The following P2RX2 variants were observed in gnomAD, a reference collection of about 807,000 sequenced individuals.
P2RX2 encodes the protein purinergic receptor P2X 2, also known as P2X purinoceptor 2.
A neutral mutation model predicts 54.8 loss-of-function variants in P2RX2; 50 were observed. The ratio of observed to expected loss-of-function variants is 0.91; its 90% CI spans 0.73 to 1.15. The LOEUF is 1.15. P2RX2 is among the 50% of genes most tolerant of loss of function. P2RX2 has a pLI of 0.00. For missense variants in P2RX2, 658 were observed against 633.2 expected, an observed-to-expected ratio of 1.04 and a Z score of -0.42; for synonymous variants, 289 against 259.4, an observed-to-expected ratio of 1.11 and a Z score of -1.09.
rs2041704578 is a variant in P2RX2 at position 132,621,825 on chromosome 12, C to T, written c.1269C>T (p.Gly423=). Reference sequence around the variant, plus strand: ...CCAGCCCTCCATCAGGCCAGGAGGGCCAACAAGGGGCAGAGTGTGGCCCAG... The same window carrying T: ...CCAGCCCTCCATCAGGCCAGGAGGGTCAACAAGGGGCAGAGTGTGGCCCAG... ...QHPSPPSGQE[G]QQGAECGPAF... Residue 423 remains glycine, a synonymous_variant, in exon 11 of 11, where the codon GGC becomes GGT. Coordinates refer to ENST00000643471, the MANE Select transcript of P2RX2 (RefSeq NM_170682.4). The T allele has an allele frequency of 6.2e-7, 1 of 1,610,448 alleles. No individual in the cohort carries two copies. Among genetic ancestry groups the T allele is most frequent in the Non-Finnish European group, 8.5e-7 (1 of 1,178,172 alleles).
rs2041489460 is a variant in P2RX2 at position 132,618,888 on chromosome 12, C to T, written c.72C>T (p.Ala24=). 1.5e-6 allele frequency: 2 copies of T among 1,374,134 alleles called. No individual in the cohort carries two copies. The highest frequency in any genetic ancestry group is 1.5e-5 in the African/African-American group (1 of 66,248). 85.1% of individuals were successfully genotyped at this position (1,374,134 alleles called of 1,614,324 possible). ...GCCTGGCCCGGGGCTGCTGGTCCGC[C>T]CTCTGGGACTACGAGACGCCCAAGG... ...ARRLARGCWS[A]LWDYETPKVI... The change falls in exon 1 of 11, where the codon GCC becomes GCT. Residue 24 remains alanine, a synonymous_variant. Coordinates refer to ENST00000643471, the MANE Select transcript of P2RX2 (RefSeq NM_170682.4).
rs2041704962 is a variant in P2RX2, at chr12:132,621,825, CCAA to C, written c.1273_1275del (p.Gln425del). 1.9e-6 allele frequency: 3 copies of C among 1,610,448 alleles called. No individual in the cohort carries two copies. The highest frequency in any genetic ancestry group is 2.5e-6 in the Non-Finnish European group (3 of 1,178,172). Reference sequence around the variant, plus strand: ...CCAGCCCTCCATCAGGCCAGGAGGGCCAACAAGGGGCAGAGTGTGGCCCAGCCT... The same window carrying C: ...CCAGCCCTCCATCAGGCCAGGAGGGCCAAGGGGCAGAGTGTGGCCCAGCCT... On this transcript the variant is annotated inframe_deletion, in exon 11 of 11. Transcript: ENST00000643471.
chr12:132,621,228 GA>G, intron 8 of P2RX2, 26 bp from the exon 9 acceptor site: 1 of 1,613,942 alleles, frequency 6.2e-7, no homozygotes, highest in Non-Finnish European at 8.5e-7. Context: ...TGCAGAGGAC[GA>G]GTGGGCACTG....
rs1261399828 is a variant in P2RX2, at chr12:132,620,233, G to C, written c.555-34G>C. 3.1e-6 allele frequency: 5 copies of C among 1,589,028 alleles called. 1 individual carries two copies. The highest frequency in any genetic ancestry group is 2.6e-6 in the Non-Finnish European group (3 of 1,157,310). ...ATGCCAGGCGGGGGCTTTGCGGGAA[G>C]AGGGGACTAAACAACCCTTCTGTGC... On this transcript the variant is annotated intron_variant, in intron 5 of 10. Transcript: ENST00000643471.
rs564207157 is a variant in P2RX2, at chr12:132,621,588, G to A, written c.1063-31G>A. On this transcript the variant is annotated intron_variant, in intron 10 of 10. Transcript: ENST00000643471. ...CCAGCGGGTGCGGGGGGTCCACCAG[G>A]CCCTTACACACCGGTCTCTGCTGGC... 193 of 1,610,510 alleles carry A rather than the reference G, an allele frequency of 1.2e-4. 2 individuals carry two copies. The South Asian group carries it at 1.7e-3, about 14-fold the overall frequency.
At chr12:132,620,724 A>G (rs1020190554) in intron 7 of P2RX2, 141 bp downstream of exon 7, 12 of 1,092,026 alleles carry the variant, frequency 1.1e-5, no homozygotes, top group African/African-American at 1.6e-5. Context: ...GATCAGCGCA[A>G]CCCATCCGGT....
In P2RX2 at chr12:132,618,808, G is replaced by T. The variant is rs2041482966; in HGVS notation, c.-9G>T. 2 of 1,237,266 alleles carry T rather than the reference G, an allele frequency of 1.6e-6. No individual in the cohort carries two copies. The highest frequency in any genetic ancestry group is 4.4e-5 in the Admixed American group (1 of 22,814). The allele number at this position is 1,237,266 out of a possible 1,614,324, so 76.6% of individuals were successfully genotyped here. On this transcript the variant is annotated 5_prime_UTR_variant, in exon 1 of 11. Transcript: ENST00000643471. ...CAGCGCCTTCCTGGAGGTGGGGGCC[G>T]CCCGCGCCATGGCCGCCGCCCAGCC... is the stretch of plus-strand genomic sequence containing the variant.
chr12:132,619,021 TG>T, intron 1 of P2RX2, 32 bp downstream of exon 1: 2 of 954,012 alleles, frequency 2.1e-6, no homozygotes, highest in Non-Finnish European at 1.3e-6. Context: ...GGGCGCGGGG[TG>T]CGGGGCGCAG....
chr12:132,619,591 GC>G lies in P2RX2; in HGVS notation c.309+23del, dbSNP rs761209231. ...CCCCCCGAGGTGCGGGCCGCCCCCT[GC>G]CCCCCGCCCCGCCGTGCACCCTACC... On this transcript the variant is annotated intron_variant, in intron 2 of 10. Transcript: ENST00000643471. 11 of 1,600,382 alleles carry G rather than the reference GC, an allele frequency of 6.9e-6. No homozygotes were observed. The highest frequency in any genetic ancestry group is 2.2e-5 in the South Asian group (2 of 90,652).
rs779626821 is a variant in P2RX2 at position 132,619,683 on chromosome 12, G to T, written c.314G>T (p.Gly105Val). The part of the protein sequence containing the change: ...VEEYVKPPEG[G>V]SVFSIITRVE... ...GCCCCCTCTTTCTGAGCCCAGGGGG[G>T]CAGCGTGTTCAGCATCATCACCAGG... Residue 105 changes from glycine (G) to valine (V), a missense_variant, in exon 3 of 11, where the codon GGC (glycine) becomes GTC (valine). Gly to Val is a moderately radical substitution (Grantham distance 109). Transcript: ENST00000643471. The T allele has an allele frequency of 6.3e-7, 1 of 1,596,204 alleles. No individual in the cohort carries two copies. The highest frequency in any genetic ancestry group is 8.5e-7 in the Non-Finnish European group (1 of 1,171,236).
Position 132,622,219 on chromosome 12 carries a change from TCA to T in P2RX2, c.*250_*251del, listed in dbSNP as rs1198241799. On this transcript the variant is annotated 3_prime_UTR_variant, in exon 11 of 11. Transcript: ENST00000643471. Reference sequence around the variant, plus strand: ...AGGGCTGCTCACTTCCCATCACCTCTCACAGCCACCTGGAACCCAAGCCAGCT... The same window carrying T: ...AGGGCTGCTCACTTCCCATCACCTCTCAGCCACCTGGAACCCAAGCCAGCT... 12 of 1,384,264 alleles carry T rather than the reference TCA, an allele frequency of 8.7e-6. No homozygotes were observed. In the African/African-American group the frequency reaches 1.8e-4, roughly 20 times the overall value. The allele number at this position is 1,384,264 out of a possible 1,614,324, so 85.7% of individuals were successfully genotyped here. A position where few individuals can be genotyped will look rare whatever the true frequency, so the allele number is the denominator to read the frequency against.
intron 5 of P2RX2, 29 bp from the exon 6 acceptor site, chr12:132,620,238 G>C (rs557003713): frequency 3.8e-6 from 6 of 1,595,114 alleles, no homozygotes; most frequent in East Asian, 2.2e-5. Flanking sequence ...GGGAAGAGGG[G>C]ACTAAACAAC....
intron 2 of P2RX2, 25 bp downstream of exon 2, chr12:132,619,599 C>A: frequency 6.2e-7 from 1 of 1,600,244 alleles, no homozygotes; most frequent in Non-Finnish European, 8.5e-7. Context: ...CTGCCCCCCG[C>A]CCCGCCGTGC....
chr12:132,622,189 C>G lies in P2RX2; in HGVS notation c.*217C>G. 7.0e-7 allele frequency: 1 copy of G among 1,422,706 alleles called. No homozygotes were observed. The highest frequency in any genetic ancestry group is 2.6e-4 in the Middle Eastern group (1 of 3,846). The allele number at this position is 1,422,706 out of a possible 1,614,324, so 88.1% of individuals were successfully genotyped here. ...CCTGACACCTCCTCCCCAGCTGGTC[C>G]CTACAGGGCTGCTCACTTCCCATCA... On this transcript the variant is annotated 3_prime_UTR_variant, in exon 11 of 11. Transcript: ENST00000643471.
In P2RX2 at chr12:132,619,007, TGCGGGGC is replaced by T. The variant is rs754704099; in HGVS notation, c.173+25_173+31del. The stretch of plus-strand genomic sequence containing the variant: ...TTCGTGTGGTGCGCGGGGCGCGGGG[TGCGGGGC>T]GCGGGGTGCGGGGCGCAGGGGAGGG... On this transcript the variant is annotated intron_variant, in intron 1 of 10. Transcript: ENST00000643471. 80 of 138,468 alleles carry T rather than the reference TGCGGGGC, an allele frequency of 5.8e-4. No individual in the cohort carries two copies. Among genetic ancestry groups the T allele is most frequent in the Middle Eastern group, 7.4e-3 (2 of 272 alleles). 8.6% of individuals were successfully genotyped at this position (138,468 alleles called of 1,614,324 possible).
Position 132,620,345 on chromosome 12 carries a change from CAAGT to C in P2RX2, c.635+2_635+5del, listed in dbSNP as rs747413177. The C allele has an allele frequency of 2.5e-6, 4 of 1,613,984 alleles. No individual in the cohort carries two copies. Among genetic ancestry groups the C allele is most frequent in the South Asian group, 1.1e-5 (1 of 91,084 alleles). On this transcript the variant is annotated splice_donor_variant and coding_sequence_variant, in exon 6 of 11. Coordinates refer to ENST00000643471, the MANE Select transcript of P2RX2 (RefSeq NM_170682.4). LOFTEE classifies it high-confidence loss of function. ...TCCACTACCCCAAATTCCACTTCTC[CAAGT>C]AAGAGCCGCGGGGTGTGGTGACGGC...
Position 132,622,039 on chromosome 12 carries a change from C to G in P2RX2, c.*67C>G. 1 of 1,602,994 alleles carries G rather than the reference C, an allele frequency of 6.2e-7. No homozygotes were observed. The highest frequency in any genetic ancestry group is 1.1e-5 in the South Asian group (1 of 89,676). On this transcript the variant is annotated 3_prime_UTR_variant, in exon 11 of 11. Coordinates refer to ENST00000643471, the MANE Select transcript of P2RX2 (RefSeq NM_170682.4). ...GGCCAGAGAGTCCCCAGCTAGGGAC[C>G]TGCACGTGGACGTGGGCACCTCAGT... is the stretch of plus-strand genomic sequence containing the variant.
chr12:132,620,650 C>T (rs2041624358), intron 7 of P2RX2, 67 bp downstream of exon 7: 1 of 1,532,190 alleles, frequency 6.5e-7, no homozygotes, highest in Non-Finnish European at 8.9e-7. Flanking sequence ...GCCTGGGGTA[C>T]AGGGGACCAG....
intron 1 of P2RX2, 126 bp from the exon 2 acceptor site, chr12:132,619,313 G>GC (rs2041534092): frequency 9.9e-7 from 1 of 1,009,240 alleles, no homozygotes; most frequent in South Asian, 1.8e-5. Flanking sequence ...GGGACCGAGG[G>GC]CGCGGGGCAG....
Sources: allele counts gnomAD v4.1 joint callset, GRCh38; gene constraint gnomAD v4.1.1; transcripts MANE v1.5; gene names NCBI Gene and HGNC (gene_info 2026-07-23, HGNC 2026-07-21).